SAMMSON: variants seen among roughly 807,000 people sequenced by gnomAD.
The protein encoded by SAMMSON is long intergenic non-protein coding RNA 1212.
At chr3:70,169,120 CAT>C (rs1387951170) in intron 4 of SAMMSON, among the ~76,000 whole-genome samples, 3 of 152,108 alleles carry the variant, frequency 2.0e-5, no homozygotes, top group Admixed American at 1.3e-4. Flanking sequence ...GTTTTGCACA[CAT>C]GTGTTTAATG....
At chr3:70,139,944 T>G (rs1288119449) in intron 4 of SAMMSON, among the ~76,000 whole-genome samples, 1 of 152,208 alleles carries the variant, frequency 6.6e-6, no homozygotes, top group Non-Finnish European at 1.5e-5. Flanking sequence ...ACACCCTTCA[T>G]GTTCTCTTCC....
intron 4 of SAMMSON, chr3:70,183,667 A>G (rs1701070967): frequency 1.3e-5 from 2 of 152,244 alleles, no homozygotes; most frequent in African/African-American, 2.4e-5. Flanking sequence ...AAATTGTGAC[A>G]GAAAAGTAGC....
chr3:70,363,405 C>T (rs1262505529), intron 9 of SAMMSON, among the ~76,000 whole-genome samples: 3 of 151,928 alleles, frequency 2.0e-5, no homozygotes, highest in Middle Eastern at 3.2e-3. Context: ...TCGCTGACAA[C>T]ATAATCTTAT....
intron 4 of SAMMSON, among the ~76,000 whole-genome samples, chr3:70,124,007 G>C (rs1335204717): frequency 6.6e-6 from 1 of 152,220 alleles, no homozygotes; most frequent in Non-Finnish European, 1.5e-5. Context: ...TTGGGCGGAT[G>C]CCCGGAAGAC....
intron 2 of SAMMSON, among the ~76,000 whole-genome samples, chr3:70,408,982 G>A (rs1053809074): frequency 6.6e-6 from 1 of 152,140 alleles, no homozygotes; most frequent in Admixed American, 6.6e-5. Flanking sequence ...AGAAAATGAG[G>A]AAGGTGCAAA....
intron 4 of SAMMSON, among the ~76,000 whole-genome samples, chr3:70,199,892 C>T (rs1019335092): frequency 6.6e-6 from 1 of 152,150 alleles, no homozygotes; most frequent in Non-Finnish European, 1.5e-5. Flanking sequence ...TCTTCTGCAA[C>T]GTCTTCAAAA....
chr3:70,002,803 A>C (rs1376976792), intron 1 of SAMMSON, among the ~76,000 whole-genome samples: 1 of 152,096 alleles, frequency 6.6e-6, no homozygotes, highest in Non-Finnish European at 1.5e-5. Flanking sequence ...TACATTTTAC[A>C]TGTGCCTGTG....
At chr3:70,314,684 A>C (rs572029691) in intron 7 of SAMMSON, among the ~76,000 whole-genome samples, 37 of 152,286 alleles carry the variant, frequency 2.4e-4, no homozygotes, top group African/African-American at 8.2e-4. Context: ...CTTTTATTTT[A>C]ATATTTGACC....
At chr3:70,205,318 C>T (rs535477519) in intron 4 of SAMMSON, 1 of 152,134 alleles carries the variant, frequency 6.6e-6, no homozygotes, top group South Asian at 2.1e-4. Context: ...ATAGTCCTCA[C>T]CAATCCCTGT....
intron 6 of SAMMSON, among the ~76,000 whole-genome samples, chr3:70,264,937 A>G (rs1005164880): frequency 1.3e-5 from 2 of 152,220 alleles, no homozygotes; most frequent in Admixed American, 1.3e-4. Context: ...GGGATGCCTC[A>G]CAATCATGGT....
At chr3:70,278,453 C>CT (rs2106678878) in intron 6 of SAMMSON, among the ~76,000 whole-genome samples, 1 of 152,258 alleles carries the variant, frequency 6.6e-6, no homozygotes, top group South Asian at 2.1e-4. Context: ...AATGGGAAGA[C>CT]TTTTAGCTTT....
chr3:70,245,506 A>C (rs919061679), intron 4 of SAMMSON, among the ~76,000 whole-genome samples: 6 of 151,502 alleles, frequency 4.0e-5, no homozygotes, highest in African/African-American at 1.5e-4. Context: ...TAATAACTTA[A>C]ATAGAAAGCA....
intron 4 of SAMMSON, among the ~76,000 whole-genome samples, chr3:70,167,870 T>C (rs1408259375): frequency 6.6e-6 from 1 of 151,936 alleles, no homozygotes; most frequent in African/African-American, 2.4e-5. Flanking sequence ...GCTGTCCTTA[T>C]CACTGAATTT....
intron 1 of SAMMSON, among the ~76,000 whole-genome samples, chr3:70,007,782 C>T (rs529294953): frequency 2.8e-4 from 42 of 152,164 alleles, no homozygotes; most frequent in African/African-American, 1.0e-3. Context: ...GGCTTTAGGT[C>T]TAACATGTAA....
intron 4 of SAMMSON, among the ~76,000 whole-genome samples, chr3:70,162,299 G>A (rs1312682938): frequency 1.3e-5 from 2 of 151,612 alleles, no homozygotes; most frequent in Non-Finnish European, 3.0e-5. Context: ...TCCAAGCGTT[G>A]GTTTAGGTGA....
intron 4 of SAMMSON, among the ~76,000 whole-genome samples, chr3:70,176,657 T>C (rs1173734170): frequency 6.6e-6 from 1 of 152,138 alleles, no homozygotes; most frequent in East Asian, 1.9e-4. Context: ...CAAACTCTGA[T>C]CCCTTGCAAT....
intron 6 of SAMMSON, among the ~76,000 whole-genome samples, chr3:70,263,807 A>T (rs966858538): frequency 1.3e-5 from 2 of 152,020 alleles, no homozygotes; most frequent in South Asian, 4.2e-4. Context: ...TCCCGTTGCT[A>T]TATCACAGTC....
At chr3:70,245,698 T>TAC (rs1413882614) in intron 4 of SAMMSON, among the ~76,000 whole-genome samples, 5 of 138,212 alleles carry the variant, frequency 3.6e-5, no homozygotes, top group Non-Finnish European at 7.9e-5. Context: ...TATATATATA[T>TAC]ATATATATAT....
At chr3:70,061,578 A>T (rs1056948601) in intron 3 of SAMMSON, among the ~76,000 whole-genome samples, 3 of 152,052 alleles carry the variant, frequency 2.0e-5, no homozygotes, top group African/African-American at 7.2e-5. Context: ...ACAGGGCATG[A>T]TGTCTCCAGT....
Sources: allele counts gnomAD v4.1 joint callset (sites outside exome capture counted in the v4.1 genomes callset), GRCh38; gene constraint gnomAD v4.1.1; transcripts MANE v1.5; gene names NCBI Gene and HGNC (gene_info 2026-07-23, HGNC 2026-07-21).